CADPS: variants seen among roughly 807,000 people sequenced by gnomAD.
CADPS encodes calcium-dependent secretion activator 1.
In CADPS, 57 loss-of-function variants were observed where a neutral mutation model predicts 167.3. The ratio of observed to expected loss-of-function variants is 0.34; its 90% CI spans 0.28 to 0.42. CADPS has a LOEUF of 0.42. Among genes scored for constraint, CADPS ranks in the 20% least tolerant of loss-of-function variants. CADPS has a pLI of 1.00. For missense variants in CADPS, 1,414 were observed against 1,738.1 expected (o/e 0.81, Z 3.32); for synonymous variants, 676 against 635.3 (o/e 1.06, Z -0.96).
At chr3:62,489,751 T>C (rs1218295415) in intron 21 of CADPS, among the ~76,000 whole-genome samples, 2 of 152,198 alleles carry the variant, frequency 1.3e-5, no homozygotes, top group African/African-American at 4.8e-5. Context: ...TCAAGACCAT[T>C]GTTATTTTAA....
chr3:62,492,435 C>CCA lies in CADPS; in HGVS notation c.2737_2738dup (p.Trp913CysfsTer6). 6.2e-7 allele frequency: 1 copy of CCA among 1,613,710 alleles called. No individual in the cohort carries two copies. The highest frequency in any genetic ancestry group is 8.5e-7 in the Non-Finnish European group (1 of 1,179,710). Reference sequence around the variant, plus strand: ...CATGCTCCACCATTAAATCTGACCACCACGCAAAGGCCTTTAAAATTTGGC... The same window carrying CCA: ...CATGCTCCACCATTAAATCTGACCACCACACGCAAAGGCCTTTAAAATTTGGC... On this transcript the variant is annotated frameshift_variant, in exon 20 of 30. Transcript: ENST00000383710. LOFTEE classifies it high-confidence loss of function.
chr3:62,800,907 C>T (rs1214149152), intron 1 of CADPS, among the ~76,000 whole-genome samples: 3 of 152,130 alleles, frequency 2.0e-5, no homozygotes, highest in African/African-American at 7.2e-5. Context: ...AATTTTCCTT[C>T]TTTCTATTTT....
chr3:62,790,126 G>A (rs1175824681), intron 1 of CADPS, among the ~76,000 whole-genome samples: 1 of 152,018 alleles, frequency 6.6e-6, no homozygotes, highest in Non-Finnish European at 1.5e-5. Context: ...TAATACTTCA[G>A]ACACTAGAAA....
At chr3:62,843,489 T>TGG (rs1317156756) in intron 1 of CADPS, among the ~76,000 whole-genome samples, 12 of 121,240 alleles carry the variant, frequency 9.9e-5, no homozygotes, top group Middle Eastern at 8.0e-3. Flanking sequence ...AGATGGCAGT[T>TGG]GGGGTGTGTG....
intron 11 of CADPS, among the ~76,000 whole-genome samples, chr3:62,537,113 C>T (rs918960948): frequency 6.6e-6 from 1 of 151,974 alleles, no homozygotes; most frequent in African/African-American, 2.4e-5. Context: ...GGTTTGAGTC[C>T]CCACCCTGCA....
chr3:62,821,765 C>T (rs481279), intron 1 of CADPS, among the ~76,000 whole-genome samples: 148,523 of 152,300 alleles, frequency 0.98, 72,431 homozygotes, highest in East Asian at 1. Context: ...AACATAAACA[C>T]TGGGTGACAC....
intron 11 of CADPS, among the ~76,000 whole-genome samples, chr3:62,540,614 C>A (rs922115584): frequency 6.6e-6 from 1 of 152,074 alleles, no homozygotes; most frequent in South Asian, 2.1e-4. Context: ...TCTTTGGATA[C>A]CATTCAGATT....
chr3:62,693,099 A>T (rs1326627613), intron 3 of CADPS, among the ~76,000 whole-genome samples: 1 of 151,992 alleles, frequency 6.6e-6, no homozygotes, highest in African/African-American at 2.4e-5. Context: ...TCTCAGGAAC[A>T]TTCGGTCCCT....
Position 62,874,845 on chromosome 3 carries a change from C to CTGCTCGCGCCG in CADPS, c.184_185insCGGCGCGAGCA (p.Gly62AlafsTer40). 1 of 1,060,634 alleles carries CTGCTCGCGCCG rather than the reference C, an allele frequency of 9.4e-7. No homozygotes were observed. The allele number at this position is 1,060,634 out of a possible 1,614,324, so 65.7% of individuals were successfully genotyped here. ...GCTCGCGCCGCTGCCCCCGCCGCCG[C>CTGCTCGCGCCG]CTGCACCCACCCCGGCTCCGGCGCC... On this transcript the variant is annotated frameshift_variant, in exon 1 of 30. Transcript: ENST00000383710. LOFTEE classifies it high-confidence loss of function. This position sits in a 1 kb window ranked among gnomAD's most constrained non-coding sequence, Gnocchi z 7.1.
intron 24 of CADPS, among the ~76,000 whole-genome samples, chr3:62,472,163 G>A (rs976365008): frequency 6.6e-6 from 1 of 152,160 alleles, no homozygotes; most frequent in Non-Finnish European, 1.5e-5. Flanking sequence ...AATCCTTAGA[G>A]ATAGAAAGTA....
At chr3:62,553,551 C>T (rs1342420172) in intron 10 of CADPS, among the ~76,000 whole-genome samples, 1 of 152,158 alleles carries the variant, frequency 6.6e-6, no homozygotes, top group Non-Finnish European at 1.5e-5. Context: ...AGGGCTGGGC[C>T]CTCACTAACA....
chr3:62,827,424 G>A (rs1278682670), intron 1 of CADPS, among the ~76,000 whole-genome samples: 4 of 152,218 alleles, frequency 2.6e-5, no homozygotes, highest in Middle Eastern at 3.4e-3. Context: ...CCCCCATGAG[G>A]CACATACTTT....
intron 28 of CADPS, among the ~76,000 whole-genome samples, chr3:62,410,483 G>C (rs1489861546): frequency 6.6e-6 from 1 of 152,198 alleles, no homozygotes; most frequent in Non-Finnish European, 1.5e-5. Flanking sequence ...TGGTCTAGCA[G>C]CTAGCAAGAG....
In CADPS at chr3:62,458,527, C is replaced by T. The variant is rs1173236962; in HGVS notation, c.3636+6840G>A. 2.0e-5 allele frequency among the ~76,000 whole-genome samples: 3 copies of T among 152,240 alleles called. No homozygotes were observed. The highest frequency in any genetic ancestry group is 3.9e-4 in the East Asian group (2 of 5,182). On this transcript the variant is annotated intron_variant, in intron 26 of 29. Coordinates refer to ENST00000383710, the MANE Select transcript of CADPS (RefSeq NM_003716.4). The surrounding 1 kb of genome is among the most constrained non-coding windows in gnomAD (Gnocchi z 4.6). The stretch of plus-strand genomic sequence containing the variant: ...TTTTTGAGACGGAGTCTGGCTCTAT[C>T]ACCCAGGCTGGAGTGAAGTGGCACG...
At chr3:62,567,589 TTTTTTTTTA>T (rs2080478131) in intron 9 of CADPS, among the ~76,000 whole-genome samples, 1 of 140,004 alleles carries the variant, frequency 7.1e-6, no homozygotes, top group Admixed American at 7.3e-5. Context: ...TTTTTTTTTT[TTTTTTTTTA>T]GAGTCTCACT....
At chr3:62,833,761 C>T (rs1272112206) in intron 1 of CADPS, among the ~76,000 whole-genome samples, 2 of 152,132 alleles carry the variant, frequency 1.3e-5, no homozygotes, top group African/African-American at 4.8e-5. Context: ...TCTCCCTCCA[C>T]ACCCCTTGCC....
intron 1 of CADPS, among the ~76,000 whole-genome samples, chr3:62,871,339 T>C (rs1490441799): frequency 6.6e-6 from 1 of 152,152 alleles, no homozygotes; most frequent in Non-Finnish European, 1.5e-5. Flanking sequence ...CTCTCCTTCA[T>C]ATTCTTTAAG....
Position 62,491,542 on chromosome 3 carries a change from C to T in CADPS, c.2885-62G>A. ...AGCTACTTTATCAACGTACAACACA[C>T]ACACACACACACACAAACACACACA... On this transcript the variant is annotated intron_variant, in intron 20 of 29. Coordinates refer to ENST00000383710, the MANE Select transcript of CADPS (RefSeq NM_003716.4). 5.4e-6 allele frequency: 6 copies of T among 1,104,076 alleles called. No individual in the cohort carries two copies. In the South Asian group the frequency reaches 7.0e-5, roughly 13 times the overall value. 68.4% of individuals were successfully genotyped at this position (1,104,076 alleles called of 1,614,324 possible).
chr3:62,852,293 T>A (rs1193085769), intron 1 of CADPS, among the ~76,000 whole-genome samples: 1 of 152,098 alleles, frequency 6.6e-6, no homozygotes, highest in Non-Finnish European at 1.5e-5. Flanking sequence ...TCATTCTCCA[T>A]CCAGCTTTGT....
Sources: allele counts gnomAD v4.1 joint callset (sites outside exome capture counted in the v4.1 genomes callset), GRCh38; gene constraint gnomAD v4.1.1; non-coding constraint Gnocchi (gnomAD v3.1); transcripts MANE v1.5; gene names NCBI Gene and HGNC (gene_info 2026-07-23, HGNC 2026-07-21).